Variants in RGS7BP observed in about 807,000 individuals in gnomAD.
RGS7BP encodes the protein regulator of G protein signaling 7-binding protein.
In RGS7BP, 9 loss-of-function variants were observed where a neutral mutation model predicts 31.3. The observed-to-expected ratio is 0.29, with a 90% confidence interval of 0.17 to 0.50. The LOEUF (loss-of-function observed/expected upper bound fraction) is 0.50. Ranked by LOEUF, RGS7BP falls within the 20% of genes least tolerant of loss-of-function variation. The pLI is 0.98. For synonymous variants in RGS7BP, 115 were observed against 120.1 expected (o/e 0.96, Z 0.28); for missense variants, 274 against 322.0 (o/e 0.85, Z 1.14).
chr5:64,519,293 C>T (rs574905915), intron 2 of RGS7BP, among the ~76,000 whole-genome samples: 7 of 152,270 alleles, frequency 4.6e-5, no homozygotes, highest in African/African-American at 1.7e-4. Context: ...ACGTTGAACA[C>T]GTATTATGGG....
chr5:64,519,145 C>T (rs1263543162), intron 2 of RGS7BP, among the ~76,000 whole-genome samples: 2 of 152,080 alleles, frequency 1.3e-5, no homozygotes, highest in Admixed American at 6.5e-5. Context: ...CTGGGGAGAC[C>T]GGAAGAGTAT....
rs1287071731 is a variant in RGS7BP at position 64,610,542 on chromosome 5, A to T, written c.*1290A>T. The T allele has an allele frequency of 6.6e-6, 1 of 151,986 alleles. No individual in the cohort carries two copies. The allele number at this position is 151,986 out of a possible 1,614,324, so 9.4% of individuals were successfully genotyped here. On this transcript the variant is annotated 3_prime_UTR_variant, in exon 6 of 6. Coordinates refer to ENST00000334025, the MANE Select transcript of RGS7BP (RefSeq NM_001029875.3). ...CAGACAGGAGGCACCAGTGTCCAGT[A>T]CAATAGAAGGATGAGCTAGATGCCG...
At chr5:64,541,858 G>C (rs944107960) in intron 2 of RGS7BP, among the ~76,000 whole-genome samples, 2 of 151,078 alleles carry the variant, frequency 1.3e-5, no homozygotes, top group Non-Finnish European at 3.0e-5. Context: ...TATCTCTGCT[G>C]GTTCTTCTTT....
chr5:64,608,695 G>T (rs985365152), intron 5 of RGS7BP, among the ~76,000 whole-genome samples: 2 of 152,056 alleles, frequency 1.3e-5, no homozygotes, highest in Non-Finnish European at 2.9e-5. Flanking sequence ...AGCTTAGCAA[G>T]CTTCAGTTAC....
chr5:64,549,681 TGCTCATA>T, intron 2 of RGS7BP, among the ~76,000 whole-genome samples: 1 of 152,354 alleles, frequency 6.6e-6, no homozygotes, highest in South Asian at 2.1e-4. Flanking sequence ...GCAGTGCTTC[TGCTCATA>T]TAATCCCATA....
At chr5:64,512,573 T>A (rs1283509973) in intron 2 of RGS7BP, among the ~76,000 whole-genome samples, 1 of 152,238 alleles carries the variant, frequency 6.6e-6, no homozygotes, top group Non-Finnish European at 1.5e-5. Context: ...GAGGATCAAG[T>A]ACTTAGGAGA....
chr5:64,512,813 A>C (rs1034706697), intron 2 of RGS7BP, among the ~76,000 whole-genome samples: 1 of 152,226 alleles, frequency 6.6e-6, no homozygotes, highest in African/African-American at 2.4e-5. Context: ...GCCTGTTCTG[A>C]GATACCATAA....
intron 2 of RGS7BP, among the ~76,000 whole-genome samples, chr5:64,526,348 CCCAAACTCTTCT>C (rs1749230201): frequency 6.6e-6 from 1 of 152,110 alleles, no homozygotes; most frequent in Non-Finnish European, 1.5e-5. Flanking sequence ...ATATCATGGC[CCCAAACTCTTCT>C]CAGCTCAGGC....
chr5:64,583,454 A>C (rs1742657002), intron 3 of RGS7BP, among the ~76,000 whole-genome samples: 1 of 152,148 alleles, frequency 6.6e-6, no homozygotes, highest in Admixed American at 6.5e-5. Context: ...AGGCAAAGGG[A>C]GAGAGGAGAA....
chr5:64,581,911 GT>G (rs1196495383), intron 3 of RGS7BP, among the ~76,000 whole-genome samples: 1 of 152,164 alleles, frequency 6.6e-6, no homozygotes, highest in Non-Finnish European at 1.5e-5. Context: ...CAACATGAAA[GT>G]AAAGTACAGT....
In RGS7BP at chr5:64,551,267, A is replaced by AT. The variant is rs1234455048; in HGVS notation, c.333-24494dup. ...TATTTTTTTATTTATTTTTTATTTT[A>AT]TTTTTTTTTTTTTGAGATGGAGTCT... On this transcript the variant is annotated intron_variant, in intron 2 of 5. Transcript: ENST00000334025. Among the ~76,000 whole-genome samples the AT allele has an allele frequency of 1.6e-3, 218 of 140,520 alleles. 1 individual carries two copies. The highest frequency in any genetic ancestry group is 6.3e-3 in the East Asian group (31 of 4,894). 92.2% of individuals were successfully genotyped at this position (140,520 alleles called of 152,430 possible).
intron 2 of RGS7BP, among the ~76,000 whole-genome samples, chr5:64,539,016 A>C (rs1260535549): frequency 6.6e-6 from 1 of 152,120 alleles, no homozygotes; most frequent in Non-Finnish European, 1.5e-5. Context: ...AGTTGTTTCC[A>C]GTTTTAATGA....
chr5:64,511,902 A>C (rs952923470), intron 2 of RGS7BP, among the ~76,000 whole-genome samples: 3 of 152,190 alleles, frequency 2.0e-5, no homozygotes, highest in Admixed American at 1.3e-4. Context: ...AGGTATGTGA[A>C]GCAGGGACCA....
intron 2 of RGS7BP, among the ~76,000 whole-genome samples, chr5:64,525,790 T>C (rs1749217619): frequency 6.6e-6 from 1 of 152,156 alleles, no homozygotes. Context: ...AATTTCTGAG[T>C]AAGCAGAGCT....
intron 3 of RGS7BP, among the ~76,000 whole-genome samples, chr5:64,586,086 T>A (rs1179491293): frequency 6.6e-6 from 1 of 152,136 alleles, no homozygotes; most frequent in Non-Finnish European, 1.5e-5. Flanking sequence ...GAAGCACATG[T>A]TGGCCTCTTT....
chr5:64,534,454 T>C (rs1749455035), intron 2 of RGS7BP, among the ~76,000 whole-genome samples: 1 of 152,168 alleles, frequency 6.6e-6, no homozygotes, highest in African/African-American at 2.4e-5. Flanking sequence ...GTCCCTTGGG[T>C]AATAGTTGCT....
chr5:64,559,286 A>G (rs1410532958), intron 2 of RGS7BP, among the ~76,000 whole-genome samples: 1 of 152,132 alleles, frequency 6.6e-6, no homozygotes, highest in Non-Finnish European at 1.5e-5. Flanking sequence ...GCCGACACTT[A>G]TGGAAAATAG....
intron 2 of RGS7BP, among the ~76,000 whole-genome samples, chr5:64,565,725 A>T (rs1301909940): frequency 6.6e-6 from 1 of 152,122 alleles, no homozygotes; most frequent in African/African-American, 2.4e-5. Flanking sequence ...GATACATAAG[A>T]TAAACTTTTT....
chr5:64,534,529 G>C (rs1028867928), intron 2 of RGS7BP, among the ~76,000 whole-genome samples: 4 of 152,146 alleles, frequency 2.6e-5, no homozygotes, highest in African/African-American at 9.7e-5. Context: ...GTTGCAGCTT[G>C]GAGGGGCAGT....
Sources: gnomAD v4.1 joint callset for allele counts (sites outside exome capture counted in the v4.1 genomes callset) on GRCh38, gnomAD v4.1.1 for gene constraint, MANE v1.5 for transcripts, NCBI Gene and HGNC (gene_info 2026-07-23, HGNC 2026-07-21) for gene names.